The following FOXP2 variants were observed in gnomAD, a reference collection of about 807,000 sequenced individuals.
The protein encoded by FOXP2 is forkhead box P2, also known as forkhead box protein P2.
In FOXP2, 12 loss-of-function variants were observed where a neutral mutation model predicts 115.8. The ratio of observed to expected loss-of-function variants is 0.10; its 90% confidence interval spans 0.07 to 0.17. The LOEUF (loss-of-function observed/expected upper bound fraction) is 0.17. FOXP2 is among the 10% of genes least tolerant of loss of function. FOXP2 has a pLI of 1.00. For synonymous variants in FOXP2, 328 were observed against 297.7 expected, an observed-to-expected ratio of 1.10 and a Z score of -1.05; for missense variants, 629 against 843.5, an observed-to-expected ratio of 0.75 and a Z score of 3.15.
chr7:114,358,885 A>G (rs1045894923), intron 2 of FOXP2, among the ~76,000 whole-genome samples: 1 of 152,166 alleles, frequency 6.6e-6, no homozygotes, highest in African/African-American at 2.4e-5. Flanking sequence ...AAATGTTTGG[A>G]ACATGTGCAG....
intron 13 of FOXP2, 51 bp downstream of exon 13, chr7:114,659,724 T>C (rs1806771276): frequency 1.5e-6 from 2 of 1,356,478 alleles, no homozygotes; most frequent in Middle Eastern, 1.8e-4. Context: ...TCCTTACAGA[T>C]AGCACAAGGA....
chr7:114,350,951 C>A (rs559527873), intron 2 of FOXP2, among the ~76,000 whole-genome samples: 1 of 152,132 alleles, frequency 6.6e-6, no homozygotes, highest in Non-Finnish European at 1.5e-5. Flanking sequence ...GTATATATTT[C>A]ATCATCTCTA....
At chr7:114,094,268 C>G (rs796070205) in intron 1 of FOXP2, among the ~76,000 whole-genome samples, 11 of 152,256 alleles carry the variant, frequency 7.2e-5, no homozygotes, top group African/African-American at 2.6e-4. Context: ...GCTCAAATTG[C>G]TTTTGAATAC....
chr7:114,392,725 C>T (rs1792633313), intron 2 of FOXP2, among the ~76,000 whole-genome samples: 1 of 152,178 alleles, frequency 6.6e-6, no homozygotes, highest in Non-Finnish European at 1.5e-5. Context: ...AGACCTACAA[C>T]CTCACATCAA....
At chr7:114,330,959 T>G (rs1245245567) in intron 2 of FOXP2, among the ~76,000 whole-genome samples, 1 of 152,204 alleles carries the variant, frequency 6.6e-6, no homozygotes, top group Admixed American at 6.5e-5. Flanking sequence ...ACAAAAAATT[T>G]ACAAATATCT....
At chr7:114,687,775 C>G (rs1292327259) in intron 16 of FOXP2, among the ~76,000 whole-genome samples, 3 of 152,122 alleles carry the variant, frequency 2.0e-5, no homozygotes, top group East Asian at 3.9e-4. Flanking sequence ...GGGACCCTCT[C>G]CAACCAAAAT....
At chr7:114,272,699 A>AT (rs1396670478) in intron 1 of FOXP2, among the ~76,000 whole-genome samples, 2 of 151,766 alleles carry the variant, frequency 1.3e-5, no homozygotes, top group African/African-American at 4.8e-5. Flanking sequence ...ACTTTCATCC[A>AT]TTAGGGTATT....
At chr7:114,265,967 T>G (rs1795884444) in intron 1 of FOXP2, among the ~76,000 whole-genome samples, 1 of 152,034 alleles carries the variant, frequency 6.6e-6, no homozygotes, top group African/African-American at 2.4e-5. Flanking sequence ...CAAATTCATT[T>G]TTTCCTCCTA....
rs868168900 is a variant in FOXP2, at chr7:114,474,719, A to G, written c.168+48040A>G. Among the ~76,000 whole-genome samples, 9 of 152,262 alleles carry G rather than the reference A, an allele frequency of 5.9e-5. No homozygotes were observed. In the East Asian group the frequency reaches 1.5e-3, roughly 26 times the overall value. On this transcript the variant is annotated intron_variant, in intron 2 of 16. Transcript: ENST00000350908. ...GACAAACATTTACAATTAAATTTTC[A>G]GGTAGTTTTCCAATCCATGCAGTAA...
intron 3 of FOXP2, among the ~76,000 whole-genome samples, chr7:114,565,401 T>C (rs1800965270): frequency 6.6e-6 from 1 of 152,158 alleles, no homozygotes; most frequent in Non-Finnish European, 1.5e-5. Context: ...GCAAATATCC[T>C]GAACAGAGGG....
chr7:114,457,819 A>AC (rs1247932174), intron 2 of FOXP2, among the ~76,000 whole-genome samples: 2 of 150,192 alleles, frequency 1.3e-5, no homozygotes, highest in Non-Finnish European at 3.0e-5. Context: ...ACTGGCGTGA[A>AC]CCCAGGAGGC....
chr7:114,411,130 A>C (rs1355650683), upstream of FOXP2, among the ~76,000 whole-genome samples: 1 of 152,120 alleles, frequency 6.6e-6, no homozygotes, highest in African/African-American at 2.4e-5. Context: ...AGCCAAACTT[A>C]TGTGGTGGCC....
chr7:114,133,945 T>C (rs538672874), intron 1 of FOXP2, among the ~76,000 whole-genome samples: 2 of 152,056 alleles, frequency 1.3e-5, no homozygotes, highest in South Asian at 4.1e-4. Context: ...AAATAAATCT[T>C]TAAATGACCC....
At chr7:114,267,404 T>A (rs1237391202) in intron 1 of FOXP2, among the ~76,000 whole-genome samples, 1 of 152,142 alleles carries the variant, frequency 6.6e-6, no homozygotes. Flanking sequence ...CGCTCTTACA[T>A]GAATATGTTA....
At chr7:114,382,232 C>T (rs574041937) in intron 2 of FOXP2, among the ~76,000 whole-genome samples, 1 of 152,162 alleles carries the variant, frequency 6.6e-6, no homozygotes. Context: ...AAGGCCGCGC[C>T]AGTGTCCAGG....
At chr7:114,352,211 G>A (rs764694724) in intron 2 of FOXP2, among the ~76,000 whole-genome samples, 15 of 152,050 alleles carry the variant, frequency 9.9e-5, no homozygotes, top group African/African-American at 3.4e-4. Flanking sequence ...AGACTACAAT[G>A]AGCCATGGTC....
At chr7:114,538,426 T>C (rs1221095917) in intron 3 of FOXP2, 5 of 1,165,412 alleles carry the variant, frequency 4.3e-6, no homozygotes, top group Non-Finnish European at 5.8e-6. Flanking sequence ...TATTAGTTTT[T>C]AGCATTGTAA....
At chr7:114,652,427 A>C in intron 9 of FOXP2, 137 bp downstream of exon 9, 1 of 765,582 alleles carries the variant, frequency 1.3e-6, no homozygotes, top group Non-Finnish European at 2.3e-6. Flanking sequence ...ATGATATTTT[A>C]GATTGTTTTA....
At chr7:114,583,979 A>C (rs1366117112) in intron 3 of FOXP2, among the ~76,000 whole-genome samples, 4 of 152,156 alleles carry the variant, frequency 2.6e-5, no homozygotes, top group African/African-American at 7.2e-5. Context: ...AAATCACAGC[A>C]TGTTTACTTT....
Sources: allele counts gnomAD v4.1 joint callset (sites outside exome capture counted in the v4.1 genomes callset), GRCh38; gene constraint gnomAD v4.1.1; transcripts MANE v1.5; gene names NCBI Gene and HGNC (gene_info 2026-07-23, HGNC 2026-07-21).